The following INTS9 variants were observed in gnomAD, a reference collection of about 807,000 sequenced individuals.
INTS9 encodes integrator complex subunit 9, also known as protein related to CPSF subunits of 74 kDa.
In INTS9, 55 loss-of-function variants were observed where a neutral mutation model predicts 79.7. The ratio of observed to expected loss-of-function variants is 0.69; its 90% CI spans 0.56 to 0.86. The LOEUF (loss-of-function observed/expected upper bound fraction) is 0.86, where lower values mean the gene tolerates loss of function less well. Ranked by LOEUF, INTS9 falls within the 40% of genes least tolerant of loss-of-function variation. The probability of loss-of-function intolerance (pLI) is 0.00; values close to 1 mark genes in which losing one functional copy is unlikely to be tolerated. For missense variants in INTS9, 721 were observed against 831.5 expected, an observed-to-expected ratio of 0.87 and a Z score of 1.64; for synonymous variants, 319 against 325.2, an observed-to-expected ratio of 0.98 and a Z score of 0.20.
At chr8:28,815,316 T>C (rs1805406380) in intron 6 of INTS9, among the ~76,000 whole-genome samples, 1 of 152,084 alleles carries the variant, frequency 6.6e-6, no homozygotes, top group African/African-American at 2.4e-5. Flanking sequence ...ATTTAAAAGT[T>C]ATACAAACGT....
At position 28,803,611 on chromosome 8, in the gene INTS9, G is replaced by A. The variant is rs117180699; in HGVS notation, c.745-6956C>T. On this transcript the variant is annotated intron_variant, in intron 8 of 16. Coordinates refer to ENST00000521022, the MANE Select transcript of INTS9 (RefSeq NM_018250.4). ...TAAACATTTCATGGTATATCCACGC[G>A]ACAGACCACCAAACAGATATCATAT... Among the ~76,000 whole-genome samples the A allele has an allele frequency of 9.9e-5, 15 of 152,180 alleles. No homozygotes were observed. In the East Asian group the frequency reaches 2.7e-3, roughly 27 times the overall value.
chr8:28,851,022 G>C (rs932576501), intron 2 of INTS9, among the ~76,000 whole-genome samples: 1 of 152,218 alleles, frequency 6.6e-6, no homozygotes, highest in African/African-American at 2.4e-5. Context: ...CAAGCTGAAA[G>C]TGCCAATAAC....
chr8:28,847,810 G>A (rs1807611841), intron 3 of INTS9, among the ~76,000 whole-genome samples: 1 of 152,186 alleles, frequency 6.6e-6, no homozygotes, highest in South Asian at 2.1e-4. Context: ...TAATGGCACT[G>A]AGCCACATAC....
chr8:28,787,839 G>A lies in INTS9; in HGVS notation c.1088C>T (p.Pro363Leu), dbSNP rs774139148. 2 of 1,607,940 alleles carry A rather than the reference G, an allele frequency of 1.2e-6. No individual in the cohort carries two copies. Among genetic ancestry groups the A allele is most frequent in the Non-Finnish European group, 1.7e-6 (2 of 1,175,188 alleles). Reference protein sequence around the residue: ...SKVYLPEPPFPHAELIQTNKL... With the variant: ...SKVYLPEPPFLHAELIQTNKL... ...ATTTTGTTTTCTTACCTCTGCATGA[G>A]GAAAAGGTGGTTCTGGAAGATACAC... is the stretch of plus-strand genomic sequence containing the variant. Residue 363 changes from proline to leucine, a missense_variant, in exon 11 of 17, where the codon CCT (proline) becomes CTT (leucine). Physicochemically the swap from Pro to Leu is moderately conservative, Grantham distance 98. Transcript: ENST00000521022.
At position 28,859,814 on chromosome 8, in the gene INTS9, C is replaced by T. The variant is rs1396926068; in HGVS notation, c.10-251G>A. 5.3e-5 allele frequency among the ~76,000 whole-genome samples: 8 copies of T among 152,270 alleles called. No homozygotes were observed. The East Asian group carries it at 1.5e-3, about 29-fold the overall frequency. ...CAAGGCAAGCCCGGTTTTACATGGG[C>T]CACAGTTATTCAAAATAGAAGGTTT... On this transcript the variant is annotated intron_variant, in intron 1 of 16. Coordinates refer to ENST00000521022, the MANE Select transcript of INTS9 (RefSeq NM_018250.4).
At position 28,794,798 on chromosome 8, in the gene INTS9, G is replaced by A. The variant is rs550283465; in HGVS notation, c.857-811C>T. Among the ~76,000 whole-genome samples the A allele has an allele frequency of 2.0e-5, 3 of 152,286 alleles. No individual in the cohort carries two copies. In the South Asian group the frequency reaches 6.2e-4, roughly 32 times the overall value. Reference sequence around the variant, plus strand: ...AGAGATTCTGACTTACTAGGTCTAAGGTAGGGCCCCCAAATTTGCATTTTT... The same window carrying A: ...AGAGATTCTGACTTACTAGGTCTAAAGTAGGGCCCCCAAATTTGCATTTTT... On this transcript the variant is annotated intron_variant, in intron 9 of 16. Transcript: ENST00000521022.
Position 28,835,326 on chromosome 8 carries a change from A to G in INTS9, c.454T>C (p.Ser152Pro). The G allele has an allele frequency of 1.2e-6, 2 of 1,613,968 alleles. No homozygotes were observed. The highest frequency in any genetic ancestry group is 2.2e-5 in the East Asian group (1 of 44,874). ...TCCTTATTCTTCCACAAGGAGGCAG[A>G]CTGAGCCTTTGGCACTCTTTCAATG... ...NFIERVPKAQ[S>P]ASLWKNKDIQ... The change falls in exon 6 of 17, where the codon TCT becomes CCT. Residue 152 changes from serine to proline, a missense_variant. Transcript: ENST00000521022.
chr8:28,775,730 G>A (rs771173147), intron 14 of INTS9, 29 bp downstream of exon 14: 2 of 1,612,074 alleles, frequency 1.2e-6, no homozygotes, highest in African/African-American at 2.7e-5. Context: ...GAAAGCTCTA[G>A]TTTAACCCTA....
At chr8:28,875,088 A>G (rs1373760723) in intron 1 of INTS9, among the ~76,000 whole-genome samples, 1 of 152,154 alleles carries the variant, frequency 6.6e-6, no homozygotes, top group African/African-American at 2.4e-5. Context: ...ACAGCTCAGG[A>G]AAGACCCGCC....
At chr8:28,776,413 G>A (rs187094) in intron 13 of INTS9, 36,717 of 148,304 alleles carry the variant, frequency 0.25, 4,782 homozygotes, top group East Asian at 0.52. Context: ...GTGCAACCAA[G>A]GAGCAGAGGC....
chr8:28,772,805 T>G (rs981482474), intron 14 of INTS9, among the ~76,000 whole-genome samples: 1 of 139,456 alleles, frequency 7.2e-6, no homozygotes, highest in Non-Finnish European at 1.6e-5. Context: ...AGACTCCGTC[T>G]CAAAAAAAGA....
chr8:28,768,325 G>A lies in INTS9; in HGVS notation c.1801-3C>T. The stretch of plus-strand genomic sequence containing the variant: ...ACCTTAATATCACTGAAGCCATGCT[G>A]CTCCAGAAGAAAAGAAAGAGGTGGG... On this transcript the variant is annotated splice_region_variant and splice_polypyrimidine_tract_variant and intron_variant, in intron 16 of 16. Coordinates refer to ENST00000521022, the MANE Select transcript of INTS9 (RefSeq NM_018250.4). 1.9e-6 allele frequency: 3 copies of A among 1,612,702 alleles called. No homozygotes were observed. Among genetic ancestry groups the A allele is most frequent in the Non-Finnish European group, 2.5e-6 (3 of 1,179,960 alleles).
At chr8:28,780,133 G>A (rs896200892) in intron 12 of INTS9, among the ~76,000 whole-genome samples, 1 of 142,160 alleles carries the variant, frequency 7.0e-6, no homozygotes, top group Non-Finnish European at 1.5e-5. Flanking sequence ...TAACCCATGG[G>A]TGTCCAAGCT....
At chr8:28,780,621 C>T in intron 12 of INTS9, 2 of 985,430 alleles carry the variant, frequency 2.0e-6, no homozygotes. Flanking sequence ...GCATGAAGGC[C>T]TCGCTGGATG....
At chr8:28,794,207 A>G (rs1585365067) in intron 9 of INTS9, among the ~76,000 whole-genome samples, 1 of 152,220 alleles carries the variant, frequency 6.6e-6, no homozygotes. Flanking sequence ...GTCCCTGGGA[A>G]TAGAGCATGT....
chr8:28,792,683 G>A (rs1044789741), intron 10 of INTS9, among the ~76,000 whole-genome samples: 1 of 152,182 alleles, frequency 6.6e-6, no homozygotes, highest in Non-Finnish European at 1.5e-5. Flanking sequence ...GGAGGCCGAG[G>A]CGGGTGGATC....
intron 8 of INTS9, chr8:28,796,879 C>T: frequency 2.2e-6 from 1 of 461,644 alleles, no homozygotes; most frequent in Non-Finnish European, 3.9e-6. Context: ...TGAACAAGTT[C>T]TGTATCTTCA....
intron 10 of INTS9, among the ~76,000 whole-genome samples, chr8:28,792,587 A>G (rs1451773625): frequency 2.0e-5 from 3 of 152,144 alleles, no homozygotes. Flanking sequence ...TGGTGCAATC[A>G]GAATAAAGAT....
chr8:28,771,158 AC>A, intron 14 of INTS9, 78 bp from the exon 15 acceptor site: 1 of 1,024,322 alleles, frequency 9.8e-7, no homozygotes. Flanking sequence ...TATTTACATC[AC>A]TGCAGTCTAA....
Sources: gnomAD v4.1 joint callset for allele counts (sites outside exome capture counted in the v4.1 genomes callset) on GRCh38, gnomAD v4.1.1 for gene constraint, MANE v1.5 for transcripts, NCBI Gene and HGNC (gene_info 2026-07-23, HGNC 2026-07-21) for gene names.